Variants in GRIP1 observed in about 807,000 individuals in gnomAD.
The protein encoded by GRIP1 is glutamate receptor interacting protein 1.
In GRIP1, 45 loss-of-function variants were observed where a neutral mutation model predicts 129.9. The ratio of observed to expected loss-of-function variants is 0.35; its 90% CI spans 0.27 to 0.44. The LOEUF is 0.44. GRIP1 is among the 20% of genes least tolerant of loss of function. The probability of loss-of-function intolerance (pLI) is 1.00; values close to 1 mark genes in which losing one functional copy is unlikely to be tolerated. For missense variants in GRIP1, 1,196 were observed against 1,396.8 expected (o/e 0.86, Z 2.29); for synonymous variants, 530 against 520.8 (o/e 1.02, Z -0.24).
chr12:67,038,632 C>T (rs1008505053), intron 1 of GRIP1, among the ~76,000 whole-genome samples: 2 of 152,128 alleles, frequency 1.3e-5, no homozygotes, highest in South Asian at 2.1e-4. Context: ...TTAACATGCG[C>T]TTTCTTAACT....
chr12:66,935,940 C>T (rs1434370414), intron 1 of GRIP1, among the ~76,000 whole-genome samples: 3 of 152,164 alleles, frequency 2.0e-5, no homozygotes, highest in Admixed American at 1.3e-4. Context: ...TACAGTTCAT[C>T]CACAAGGATT....
At chr12:66,497,634 C>T (rs1299941512) in intron 7 of GRIP1, among the ~76,000 whole-genome samples, 1 of 152,116 alleles carries the variant, frequency 6.6e-6, no homozygotes, top group East Asian at 1.9e-4. Flanking sequence ...ATGTGAAGAG[C>T]AGAGGTAGAC....
At chr12:66,697,496 G>C (rs1045051755) in intron 1 of GRIP1, among the ~76,000 whole-genome samples, 9 of 152,192 alleles carry the variant, frequency 5.9e-5, no homozygotes, top group Admixed American at 5.2e-4. Context: ...GAATGGGCTA[G>C]ATAACCATAG....
At chr12:66,581,434 A>T in intron 2 of GRIP1, among the ~76,000 whole-genome samples, 1 of 150,478 alleles carries the variant, frequency 6.6e-6, no homozygotes, top group Non-Finnish European at 1.5e-5. Context: ...TAGAGACACA[A>T]AAAACCCTTC....
intron 7 of GRIP1, among the ~76,000 whole-genome samples, chr12:66,484,515 G>T (rs1407604881): frequency 6.6e-6 from 1 of 152,220 alleles, no homozygotes; most frequent in Non-Finnish European, 1.5e-5. Context: ...ATGAAATCCT[G>T]TCATTTGTAG....
chr12:66,629,758 T>C (rs1280461696), intron 1 of GRIP1, among the ~76,000 whole-genome samples: 1 of 152,250 alleles, frequency 6.6e-6, no homozygotes, highest in East Asian at 1.9e-4. Flanking sequence ...ATTCTTTAAA[T>C]ATACATAGAG....
At chr12:66,755,343 C>CA (rs2037254451) in intron 1 of GRIP1, among the ~76,000 whole-genome samples, 1 of 152,114 alleles carries the variant, frequency 6.6e-6, no homozygotes, top group African/African-American at 2.4e-5. Flanking sequence ...GCAAAGAGGG[C>CA]AAAGAATGTG....
chr12:66,477,894 C>G (rs987370310), intron 7 of GRIP1, among the ~76,000 whole-genome samples: 1 of 152,172 alleles, frequency 6.6e-6, no homozygotes, highest in African/African-American at 2.4e-5. Flanking sequence ...GGATTAAAGA[C>G]TTAAATGTTA....
intron 1 of GRIP1, among the ~76,000 whole-genome samples, chr12:66,672,928 T>C (rs754499971): frequency 2.0e-5 from 3 of 152,174 alleles, no homozygotes; most frequent in Admixed American, 6.5e-5. Flanking sequence ...TGTTTGTTTG[T>C]TTTTGCCACA....
In GRIP1 at chr12:66,996,683, T is replaced by C. The variant is rs920442480; in HGVS notation, c.58+72367A>G. 3.3e-5 allele frequency among the ~76,000 whole-genome samples: 5 copies of C among 152,154 alleles called. No homozygotes were observed. The South Asian group carries it at 1.0e-3, about 32-fold the overall frequency. On this transcript the variant is annotated intron_variant, in intron 1 of 1. Coordinates refer to the GRIP1 transcript ENST00000643019. ...TGCCAGGAAGATAGAGATTGACCCA[T>C]CCTGGAAGACAGAGTGATGTGAGAT...
intron 2 of GRIP1, among the ~76,000 whole-genome samples, chr12:66,548,423 C>T (rs1287326075): frequency 1.3e-5 from 2 of 152,230 alleles, no homozygotes; most frequent in Non-Finnish European, 2.9e-5. Flanking sequence ...CTTATGTTCA[C>T]ATCCCAAGGG....
intron 7 of GRIP1, among the ~76,000 whole-genome samples, chr12:66,510,088 T>A (rs2060652938): frequency 6.6e-6 from 1 of 152,200 alleles, no homozygotes; most frequent in African/African-American, 2.4e-5. Context: ...CCCATATGCA[T>A]TTTAAATAAT....
intron 1 of GRIP1, among the ~76,000 whole-genome samples, chr12:66,667,482 T>C (rs903305402): frequency 1.3e-5 from 2 of 152,222 alleles, no homozygotes; most frequent in African/African-American, 4.8e-5. Context: ...CAATGATCCC[T>C]AGTTATCAGT....
chr12:66,938,752 A>T (rs540640299), intron 1 of GRIP1, among the ~76,000 whole-genome samples: 5 of 152,142 alleles, frequency 3.3e-5, no homozygotes, highest in East Asian at 2.0e-4. Flanking sequence ...AGGTCAGGAG[A>T]TCAAGACCAT....
intron 1 of GRIP1, among the ~76,000 whole-genome samples, chr12:67,049,294 G>A (rs1040407661): frequency 6.6e-6 from 1 of 152,154 alleles, no homozygotes. Context: ...TTTGAGGACA[G>A]GTCTAAGCCC....
chr12:66,837,424 C>T (rs2039634467), intron 1 of GRIP1, among the ~76,000 whole-genome samples: 1 of 152,110 alleles, frequency 6.6e-6, no homozygotes, highest in Non-Finnish European at 1.5e-5. Flanking sequence ...GATGTGCACT[C>T]GGTATGCTTT....
At chr12:66,830,127 T>G (rs907317473) in intron 1 of GRIP1, among the ~76,000 whole-genome samples, 1 of 152,202 alleles carries the variant, frequency 6.6e-6, no homozygotes, top group Non-Finnish European at 1.5e-5. Context: ...GATACCATTT[T>G]AAATGTGTCA....
chr12:66,955,018 G>T (rs550668514), intron 1 of GRIP1, among the ~76,000 whole-genome samples: 25 of 152,288 alleles, frequency 1.6e-4, no homozygotes, highest in African/African-American at 6.0e-4. Flanking sequence ...AGTTAGCCAT[G>T]AAGACATTTA....
chr12:66,470,372 G>A (rs1720660401), intron 7 of GRIP1, among the ~76,000 whole-genome samples: 1 of 151,978 alleles, frequency 6.6e-6, no homozygotes, highest in Admixed American at 6.6e-5. Context: ...CTGCTACAGT[G>A]CCTTCATTTA....
Sources: allele counts gnomAD v4.1 joint callset (sites outside exome capture counted in the v4.1 genomes callset), GRCh38; gene constraint gnomAD v4.1.1; transcripts MANE v1.5; gene names NCBI Gene and HGNC (gene_info 2026-07-23, HGNC 2026-07-21).